The following KCNQ5 variants were observed in gnomAD, a reference collection of about 807,000 sequenced individuals.
KCNQ5 encodes potassium voltage-gated channel subfamily KQT member 5.
A neutral mutation model predicts 98.2 loss-of-function variants in KCNQ5; 30 were observed. The observed-to-expected ratio is 0.31, with a 90% CI of 0.23 to 0.41. The LOEUF (loss-of-function observed/expected upper bound fraction) is 0.41, where lower values mean the gene tolerates loss of function less well. Among genes scored for constraint, KCNQ5 ranks in the 10% least tolerant of loss-of-function variants. KCNQ5 has a pLI of 1.00. For missense variants in KCNQ5, 835 were observed against 1,182.5 expected (o/e 0.71, Z 4.31); for synonymous variants, 458 against 449.4 (o/e 1.02, Z -0.24).
At chr6:72,915,512 T>A (rs1471996299) in intron 1 of KCNQ5, among the ~76,000 whole-genome samples, 3 of 152,198 alleles carry the variant, frequency 2.0e-5, no homozygotes, top group Non-Finnish European at 4.4e-5. Flanking sequence ...CCTGAGTTTT[T>A]CCCAAATAAA....
chr6:72,673,393 T>C (rs1488049860), intron 1 of KCNQ5, among the ~76,000 whole-genome samples: 1 of 152,202 alleles, frequency 6.6e-6, no homozygotes, highest in Non-Finnish European at 1.5e-5. Flanking sequence ...CCTTGGAAAG[T>C]AAAATGTCCA....
chr6:73,135,696 T>C (rs1336116253), intron 10 of KCNQ5: 5 of 152,212 alleles, frequency 3.3e-5, no homozygotes, highest in African/African-American at 1.2e-4. Flanking sequence ...CTACTACAAA[T>C]GGAACTTGTA....
chr6:72,980,590 T>G (rs1012343536), intron 1 of KCNQ5, among the ~76,000 whole-genome samples: 1 of 152,166 alleles, frequency 6.6e-6, no homozygotes, highest in African/African-American at 2.4e-5. Context: ...GGGTAGGGTT[T>G]TCTAAATATA....
chr6:72,931,934 G>C (rs894103490), intron 1 of KCNQ5, among the ~76,000 whole-genome samples: 2 of 152,134 alleles, frequency 1.3e-5, no homozygotes, highest in African/African-American at 4.8e-5. Context: ...ATACATTACA[G>C]GTAAGCTCTC....
At chr6:72,925,250 A>G (rs1780581909) in intron 1 of KCNQ5, among the ~76,000 whole-genome samples, 1 of 152,170 alleles carries the variant, frequency 6.6e-6, no homozygotes, top group Non-Finnish European at 1.5e-5. Context: ...GAGGCAAGAT[A>G]ATATATATGG....
chr6:72,770,581 G>A lies in KCNQ5; in HGVS notation c.398+147994G>A, dbSNP rs144209225. 5.1e-3 allele frequency among the ~76,000 whole-genome samples: 782 copies of A among 152,140 alleles called. 12 individuals are homozygous for A. The highest frequency in any genetic ancestry group is 0.034 in the Admixed American group (521 of 15,274). ...CACATTTATAAATCAAAAATATTTA[G>A]TATGAAATCAATAATTATTTCGAGA... On this transcript the variant is annotated intron_variant, in intron 1 of 13. Coordinates refer to ENST00000370398, the MANE Select transcript of KCNQ5 (RefSeq NM_019842.4).
intron 1 of KCNQ5, among the ~76,000 whole-genome samples, chr6:72,638,172 C>G (rs2098925274): frequency 6.6e-6 from 1 of 152,164 alleles, no homozygotes; most frequent in Non-Finnish European, 1.5e-5. Flanking sequence ...TTCAGGCTAC[C>G]AGTTTGGTTG....
intron 1 of KCNQ5, among the ~76,000 whole-genome samples, chr6:72,815,631 A>G (rs1039093380): frequency 3.3e-5 from 5 of 152,224 alleles, no homozygotes; most frequent in African/African-American, 9.6e-5. Context: ...GGATCCGAGG[A>G]AAACCTTGTA....
At chr6:72,670,937 TTA>T (rs1767071965) in intron 1 of KCNQ5, among the ~76,000 whole-genome samples, 1 of 152,140 alleles carries the variant, frequency 6.6e-6, no homozygotes, top group Non-Finnish European at 1.5e-5. Flanking sequence ...CTCTAAATAG[TTA>T]TATTGGGGGT....
At chr6:72,754,713 C>G (rs1378404484) in intron 1 of KCNQ5, among the ~76,000 whole-genome samples, 1 of 151,172 alleles carries the variant, frequency 6.6e-6, no homozygotes, top group African/African-American at 2.4e-5. Flanking sequence ...TATTTTATGA[C>G]CCAGAATATG....
At chr6:72,696,811 T>G (rs1768531543) in intron 1 of KCNQ5, among the ~76,000 whole-genome samples, 1 of 152,172 alleles carries the variant, frequency 6.6e-6, no homozygotes, top group Non-Finnish European at 1.5e-5. Flanking sequence ...TGAAATTTAT[T>G]TTTTCAAAGC....
chr6:72,744,444 C>G (rs1269139250), intron 1 of KCNQ5, among the ~76,000 whole-genome samples: 1 of 152,074 alleles, frequency 6.6e-6, no homozygotes, highest in Non-Finnish European at 1.5e-5. Context: ...CATCAGAATA[C>G]TTTTTTCACA....
chr6:73,123,124 T>TAAA (rs529127166), intron 8 of KCNQ5, among the ~76,000 whole-genome samples: 1 of 132,058 alleles, frequency 7.6e-6, no homozygotes. Flanking sequence ...GCAGTTGGAG[T>TAAA]AAAAAAAAAA....
At chr6:72,864,496 C>T (rs1480289314) in intron 1 of KCNQ5, among the ~76,000 whole-genome samples, 1 of 152,138 alleles carries the variant, frequency 6.6e-6, no homozygotes, top group African/African-American at 2.4e-5. Context: ...TTCTTTATCT[C>T]ATTTTCCCCC....
intron 1 of KCNQ5, among the ~76,000 whole-genome samples, chr6:72,971,628 C>T (rs1767903846): frequency 6.6e-6 from 1 of 151,926 alleles, no homozygotes; most frequent in Non-Finnish European, 1.5e-5. Flanking sequence ...TGAAATGTGG[C>T]ACATATACAC....
At chr6:72,751,331 A>G (rs774883605) in intron 1 of KCNQ5, among the ~76,000 whole-genome samples, 1 of 151,836 alleles carries the variant, frequency 6.6e-6, no homozygotes, top group East Asian at 1.9e-4. Context: ...AAAAAATATA[A>G]GAAAATAAGA....
intron 1 of KCNQ5, among the ~76,000 whole-genome samples, chr6:72,872,201 G>A (rs1260498922): frequency 1.3e-5 from 2 of 152,154 alleles, no homozygotes; most frequent in Non-Finnish European, 2.9e-5. Context: ...CTTTTAGCAT[G>A]TGTCTGAGTC....
At chr6:72,720,967 T>C (rs1769924868) in intron 1 of KCNQ5, among the ~76,000 whole-genome samples, 1 of 152,178 alleles carries the variant, frequency 6.6e-6, no homozygotes, top group Admixed American at 6.5e-5. Context: ...AGGTGAGCAT[T>C]CCTTGGAAGA....
intron 1 of KCNQ5, among the ~76,000 whole-genome samples, chr6:72,665,958 C>A (rs1043850488): frequency 6.6e-6 from 1 of 152,174 alleles, no homozygotes; most frequent in African/African-American, 2.4e-5. Flanking sequence ...ACCTGTTACC[C>A]ACCTTACTCA....
Sources: allele counts gnomAD v4.1 joint callset (sites outside exome capture counted in the v4.1 genomes callset), GRCh38; gene constraint gnomAD v4.1.1; transcripts MANE v1.5; gene names NCBI Gene and HGNC (gene_info 2026-07-23, HGNC 2026-07-21).